The following FAM81A variants were observed in gnomAD, a reference collection of about 807,000 sequenced individuals.
FAM81A encodes protein FAM81A.
Under a neutral mutation model 46.7 loss-of-function variants are expected in FAM81A, and 19 were observed. The ratio of observed to expected loss-of-function variants is 0.41; its 90% confidence interval spans 0.28 to 0.60. The LOEUF is 0.60. FAM81A is among the 20% of genes least tolerant of loss of function. The probability of loss-of-function intolerance (pLI) is 0.34; values close to 1 mark genes in which losing one functional copy is unlikely to be tolerated. For synonymous variants in FAM81A, 183 were observed against 152.9 expected (o/e 1.20, Z -1.45); for missense variants, 377 against 453.5 (o/e 0.83, Z 1.53).
At chr15:59,480,722 T>C (rs2081839659) in intron 3 of FAM81A, among the ~76,000 whole-genome samples, 2 of 152,126 alleles carry the variant, frequency 1.3e-5, no homozygotes, top group Non-Finnish European at 2.9e-5. Flanking sequence ...TTGAATTGAA[T>C]TGAAAATAAT....
At chr15:59,481,540 C>T (rs2081851161) in intron 3 of FAM81A, among the ~76,000 whole-genome samples, 1 of 151,966 alleles carries the variant, frequency 6.6e-6, no homozygotes, top group Non-Finnish European at 1.5e-5. Flanking sequence ...AATCATGCTC[C>T]ATATTTATTT....
intron 2 of FAM81A, among the ~76,000 whole-genome samples, chr15:59,424,041 A>G (rs1397065330): frequency 6.6e-6 from 1 of 152,038 alleles, no homozygotes; most frequent in Non-Finnish European, 1.5e-5. Flanking sequence ...TTCACCTCCC[A>G]TCTTTTCCTT....
intron 8 of FAM81A, among the ~76,000 whole-genome samples, chr15:59,520,586 A>G (rs1463113798): frequency 1.9e-4 from 26 of 133,514 alleles, no homozygotes; most frequent in African/African-American, 6.8e-4. Context: ...TTTTTTTGAG[A>G]CGAGTCTTGC....
chr15:59,465,569 G>C (rs1232746223), intron 3 of FAM81A, among the ~76,000 whole-genome samples: 1 of 152,166 alleles, frequency 6.6e-6, no homozygotes, highest in Non-Finnish European at 1.5e-5. Flanking sequence ...CATTGCGCCT[G>C]GCCCTAGTTT....
rs71119473 is a variant in FAM81A at position 59,449,781 on chromosome 15, CAAAAAAAAAAAAA to C, written c.-77-8751_-77-8739del. Among the ~76,000 whole-genome samples, 10 of 70,304 alleles carry C rather than the reference CAAAAAAAAAAAAA, an allele frequency of 1.4e-4. No homozygotes were observed. The East Asian group carries it at 2.9e-3, about 21-fold the overall frequency. 46.1% of individuals were successfully genotyped at this position (70,304 alleles called of 152,430 possible). ...TGGGCGACAGAGCGAGACTCTGTCT[CAAAAAAAAAAAAA>C]AAAAAAAAAAAAAAAAATGACATTG... On this transcript the variant is annotated intron_variant, in intron 1 of 8. Coordinates refer to ENST00000288228, the MANE Select transcript of FAM81A (RefSeq NM_152450.3).
At chr15:59,401,500 A>G (rs779547398) in intron 1 of FAM81A, 1 of 750,778 alleles carries the variant, frequency 1.3e-6, no homozygotes, top group Non-Finnish European at 2.4e-6. Context: ...TGAATCTTTC[A>G]TACTTAGGTG....
chr15:59,401,393 G>A (rs567505027), intron 1 of FAM81A: 31 of 790,678 alleles, frequency 3.9e-5, no homozygotes, highest in African/African-American at 2.5e-4. Context: ...TGGGGACGAC[G>A]GGTTCTTCTT....
intron 1 of FAM81A, among the ~76,000 whole-genome samples, chr15:59,440,574 T>G (rs947052901): frequency 6.6e-6 from 1 of 152,246 alleles, no homozygotes; most frequent in African/African-American, 2.4e-5. Context: ...CCCAGTAGCC[T>G]CAGTTTCCAC....
intron 2 of FAM81A, among the ~76,000 whole-genome samples, chr15:59,414,384 A>G (rs1380051647): frequency 6.6e-6 from 1 of 152,216 alleles, no homozygotes; most frequent in East Asian, 1.9e-4. Context: ...GAGAAAAGTT[A>G]TACAAATGTA....
chr15:59,484,830 C>G (rs1263899559), intron 3 of FAM81A, among the ~76,000 whole-genome samples: 1 of 152,156 alleles, frequency 6.6e-6, no homozygotes, highest in East Asian at 1.9e-4. Context: ...GGGTCCCTGA[C>G]TCCAGGCCTT....
At chr15:59,501,528 C>T (rs376127390) in intron 4 of FAM81A, among the ~76,000 whole-genome samples, 11 of 151,926 alleles carry the variant, frequency 7.2e-5, no homozygotes, top group Non-Finnish European at 1.3e-4. Context: ...AAATGAGCAA[C>T]CAAATTGATG....
At chr15:59,448,383 A>G (rs1161558609) in intron 1 of FAM81A, among the ~76,000 whole-genome samples, 1 of 152,160 alleles carries the variant, frequency 6.6e-6, no homozygotes, top group African/African-American at 2.4e-5. Context: ...CCTGAAAAAA[A>G]AGAAATTGCA....
intron 8 of FAM81A, among the ~76,000 whole-genome samples, chr15:59,517,062 C>A (rs1181184422): frequency 6.6e-6 from 1 of 152,112 alleles, no homozygotes; most frequent in Non-Finnish European, 1.5e-5. Flanking sequence ...GCAAACAGAA[C>A]TGAAATTGCT....
At chr15:59,502,221 G>T (rs1322052883) in intron 4 of FAM81A, among the ~76,000 whole-genome samples, 1 of 149,280 alleles carries the variant, frequency 6.7e-6, no homozygotes, top group Non-Finnish European at 1.5e-5. Context: ...TAGGGTACAT[G>T]TGCACAATGT....
chr15:59,447,883 G>A (rs534617510), intron 1 of FAM81A, among the ~76,000 whole-genome samples: 1 of 152,292 alleles, frequency 6.6e-6, no homozygotes, highest in East Asian at 1.9e-4. Flanking sequence ...CAGGAGCGAA[G>A]GAAGGCAGAT....
At chr15:59,486,340 A>G (rs1050032957) in intron 3 of FAM81A, among the ~76,000 whole-genome samples, 8 of 152,184 alleles carry the variant, frequency 5.3e-5, no homozygotes, top group African/African-American at 1.9e-4. Flanking sequence ...ATTTGAAAAT[A>G]CACAGAGGAG....
At chr15:59,449,212 G>C (rs540017052) in intron 1 of FAM81A, among the ~76,000 whole-genome samples, 1 of 152,224 alleles carries the variant, frequency 6.6e-6, no homozygotes, top group African/African-American at 2.4e-5. Context: ...GCCCTGGAGA[G>C]TCTAACAATT....
chr15:59,477,809 G>A (rs2081792160), intron 3 of FAM81A, among the ~76,000 whole-genome samples: 1 of 152,172 alleles, frequency 6.6e-6, no homozygotes, highest in Admixed American at 6.5e-5. Flanking sequence ...TACACAGTAA[G>A]TGCTTGATAA....
intron 2 of FAM81A, among the ~76,000 whole-genome samples, chr15:59,410,405 T>C (rs567823483): frequency 6.6e-6 from 1 of 152,358 alleles, no homozygotes; most frequent in South Asian, 2.1e-4. Context: ...TTAGTAGAGC[T>C]AGCTGAATTC....
Sources: allele counts gnomAD v4.1 joint callset (sites outside exome capture counted in the v4.1 genomes callset), GRCh38; gene constraint gnomAD v4.1.1; transcripts MANE v1.5; gene names NCBI Gene and HGNC (gene_info 2026-07-23, HGNC 2026-07-21).